The following CRK variants were observed in gnomAD, a reference collection of about 807,000 sequenced individuals.
CRK encodes adapter molecule crk.
Under a neutral mutation model 29.8 loss-of-function variants are expected in CRK, and 4 were observed. The ratio of observed to expected loss-of-function variants is 0.13; its 90% confidence interval spans 0.07 to 0.31. The LOEUF is 0.31. Ranked by LOEUF, CRK falls within the 10% of genes least tolerant of loss-of-function variation. The pLI is 1.00. For synonymous variants in CRK, 153 were observed against 164.9 expected, an observed-to-expected ratio of 0.93 and a Z score of 0.55; for missense variants, 274 against 396.5, an observed-to-expected ratio of 0.69 and a Z score of 2.62.
intron 2 of CRK, among the ~76,000 whole-genome samples, chr17:1,430,566 A>T (rs377727064): frequency 5.2e-4 from 76 of 146,628 alleles, no homozygotes; most frequent in Admixed American, 1.1e-3. Flanking sequence ...GGGATTTCAC[A>T]GTATTAGCCA....
At chr17:1,446,247 C>T (rs1267486131) in intron 1 of CRK, among the ~76,000 whole-genome samples, 1 of 152,146 alleles carries the variant, frequency 6.6e-6, no homozygotes, top group African/African-American at 2.4e-5. Flanking sequence ...CCGGCTTTCA[C>T]CTTCACCTGG....
At chr17:1,455,426 A>G (rs1168530871) in intron 1 of CRK, among the ~76,000 whole-genome samples, 3 of 152,114 alleles carry the variant, frequency 2.0e-5, no homozygotes, top group Admixed American at 6.5e-5. Context: ...CCACCAGGGG[A>G]GCACGGCCAA....
chr17:1,445,478 C>T (rs1478560776), intron 1 of CRK, among the ~76,000 whole-genome samples: 1 of 152,146 alleles, frequency 6.6e-6, no homozygotes, highest in Non-Finnish European at 1.5e-5. Context: ...AGAAGATGAT[C>T]GCAAAAGTTC....
intron 1 of CRK, among the ~76,000 whole-genome samples, chr17:1,449,923 G>A (rs1013687168): frequency 2.0e-5 from 3 of 152,162 alleles, no homozygotes; most frequent in East Asian, 1.9e-4. Flanking sequence ...ACCCAGCTGC[G>A]CACGGTGGCT....
In CRK at chr17:1,441,769, C is replaced by T. The variant is rs576471825; in HGVS notation, c.242-4614G>A. 1.4e-3 allele frequency among the ~76,000 whole-genome samples: 212 copies of T among 152,090 alleles called. 2 individuals carry two copies. Among genetic ancestry groups the T allele is most frequent in the Non-Finnish European group, 2.3e-3 (159 of 67,978 alleles). ...CCTCCCAAAGTGCTGGGATTACAGG[C>T]GTGAGCCACTGTGCCCGGCCCTTCA... On this transcript the variant is annotated intron_variant, in intron 1 of 2. Transcript: ENST00000300574.
intron 2 of CRK, among the ~76,000 whole-genome samples, chr17:1,435,098 C>T (rs1173719043): frequency 2.6e-5 from 4 of 152,024 alleles, no homozygotes; most frequent in African/African-American, 7.2e-5. Context: ...CTCACCCTGT[C>T]GCCCAGGCTG....
intron 1 of CRK, among the ~76,000 whole-genome samples, chr17:1,446,684 T>C (rs566665804): frequency 7.6e-4 from 115 of 150,834 alleles, no homozygotes; most frequent in Non-Finnish European, 1.4e-3. Flanking sequence ...CTCCGCTTCC[T>C]GGGTTCACGC....
chr17:1,430,086 C>T (rs2073824109), intron 2 of CRK, among the ~76,000 whole-genome samples: 1 of 151,160 alleles, frequency 6.6e-6, no homozygotes. Context: ...CTTTTGTTGC[C>T]CAGGCTGGAG....
At chr17:1,424,044 T>C (rs2073752492) in intron 2 of CRK, among the ~76,000 whole-genome samples, 1 of 150,522 alleles carries the variant, frequency 6.6e-6, no homozygotes, top group Admixed American at 6.6e-5. Context: ...GCAGGCCCTG[T>C]CCGAGGAGAA....
Position 1,421,919 on chromosome 17 carries a change from T to C in CRK, c.*1594A>G, listed in dbSNP as rs1252298144. 1 of 152,182 alleles carries C rather than the reference T, an allele frequency of 6.6e-6. No individual in the cohort carries two copies. The allele number at this position is 152,182 out of a possible 1,614,324, so 9.4% of individuals were successfully genotyped here. On this transcript the variant is annotated 3_prime_UTR_variant, in exon 3 of 3. Coordinates refer to ENST00000300574, the MANE Select transcript of CRK (RefSeq NM_016823.4). The stretch of plus-strand genomic sequence containing the variant: ...TAGACTGAGAACTAACGTGGAAGTT[T>C]CATGCTGTCGTCTAAATAGCCTAGG...
chr17:1,427,072 A>AG lies in CRK; in HGVS notation c.778-3423dup, dbSNP rs57948413. 8.1e-4 allele frequency among the ~76,000 whole-genome samples: 75 copies of AG among 92,068 alleles called. 17 individuals are homozygous for AG. Among genetic ancestry groups the AG allele is most frequent in the Non-Finnish European group, 1.2e-3 (57 of 47,910 alleles). The allele number at this position is 92,068 out of a possible 152,430, so 60.4% of individuals were successfully genotyped here. ...AAAAAAAAAAAAAAAAAAAAAAAAA[A>AG]GATTCTGACATGCCCCAGCCAGGCT... is the stretch of plus-strand genomic sequence containing the variant. On this transcript the variant is annotated intron_variant, in intron 2 of 2. Transcript: ENST00000300574.
intron 2 of CRK, among the ~76,000 whole-genome samples, chr17:1,425,733 C>T (rs528370618): frequency 1.3e-5 from 2 of 152,230 alleles, no homozygotes; most frequent in South Asian, 4.1e-4. Context: ...CCTGACCTCA[C>T]TTACAGATGG....
chr17:1,429,436 G>C (rs1436664198), intron 2 of CRK, among the ~76,000 whole-genome samples: 1 of 152,030 alleles, frequency 6.6e-6, no homozygotes, highest in Admixed American at 6.6e-5. Flanking sequence ...ACCATGCTCA[G>C]TTAATTTTTG....
rs2073888425 is a variant in CRK, at chr17:1,436,602, A to C, written c.777+18T>G. 3.8e-6 allele frequency: 6 copies of C among 1,578,088 alleles called. No homozygotes were observed. Among genetic ancestry groups the C allele is most frequent in the Non-Finnish European group, 5.1e-6 (6 of 1,166,524 alleles). The stretch of plus-strand genomic sequence containing the variant: ...CCTGCAGCAGATCTCTTCTTTCTAC[A>C]TTGTGCACGTTATGTACCTCCAAAG... On this transcript the variant is annotated intron_variant, in intron 2 of 2. Coordinates refer to ENST00000300574, the MANE Select transcript of CRK (RefSeq NM_016823.4).
chr17:1,439,850 CAAAA>C (rs1215748686), intron 1 of CRK, among the ~76,000 whole-genome samples: 1 of 150,142 alleles, frequency 6.7e-6, no homozygotes, highest in Non-Finnish European at 1.5e-5. Context: ...GTCAAACAAA[CAAAA>C]AAAAGAAAAT....
Position 1,423,531 on chromosome 17 carries a change from G to A in CRK, c.897C>T (p.Pro299=), listed in dbSNP as rs150365260. 68 of 1,613,722 alleles carry A rather than the reference G, an allele frequency of 4.2e-5. No homozygotes were observed. In the Admixed American group the frequency reaches 5.7e-4, roughly 13 times the overall value. ...ACTATACTCAGCTGAAGTCCTCATCGGGATTCTGTTGATCCAGCAGACGGA... is the reference window on the plus strand; with the variant it reads ...ACTATACTCAGCTGAAGTCCTCATCAGGATTCTGTTGATCCAGCAGACGGA... The part of the protein sequence containing the change: ...THVRLLDQQN[P]DEDFS Residue 299 remains proline (P), a synonymous_variant, in exon 3 of 3, where the codon CCC becomes CCT. Transcript: ENST00000300574.
At chr17:1,444,596 G>C (rs894281554) in intron 1 of CRK, among the ~76,000 whole-genome samples, 1 of 24,874 alleles carries the variant, frequency 4.0e-5, no homozygotes, top group Non-Finnish European at 6.9e-5. Context: ...AAGCCGAAGC[G>C]GGGGGGGGGA....
intron 1 of CRK, among the ~76,000 whole-genome samples, chr17:1,442,151 C>A (rs2073940114): frequency 9.4e-6 from 1 of 106,180 alleles, no homozygotes; most frequent in African/African-American, 4.1e-5. Flanking sequence ...GCCAGGGCGC[C>A]CGGCCTGTTT....
chr17:1,426,258 G>A (rs1393015352), intron 2 of CRK: 1 of 152,320 alleles, frequency 6.6e-6, no homozygotes, highest in Non-Finnish European at 1.5e-5. Context: ...GGAGGAAGGA[G>A]AGGAAGGGAT....
Sources: allele counts gnomAD v4.1 joint callset (sites outside exome capture counted in the v4.1 genomes callset), GRCh38; gene constraint gnomAD v4.1.1; transcripts MANE v1.5; gene names NCBI Gene and HGNC (gene_info 2026-07-23, HGNC 2026-07-21).